Variants in SHPRH observed in about 807,000 individuals in gnomAD.
The protein encoded by SHPRH is SNF2 histone linker PHD RING helicase, also known as E3 ubiquitin-protein ligase SHPRH.
Under a neutral mutation model 202.5 loss-of-function variants are expected in SHPRH, and 106 were observed. That is an observed-to-expected ratio of 0.52 (90% CI 0.45 to 0.62). The LOEUF (loss-of-function observed/expected upper bound fraction) is 0.62. SHPRH is among the 20% of genes least tolerant of loss of function. The probability of loss-of-function intolerance (pLI) is 0.00; values close to 1 mark genes in which losing one functional copy is unlikely to be tolerated. For synonymous variants in SHPRH, 729 were observed against 686.0 expected, an observed-to-expected ratio of 1.06 and a Z score of -0.98; for missense variants, 1,710 against 2,020.0, an observed-to-expected ratio of 0.85 and a Z score of 2.94.
In SHPRH at chr6:145,922,812, C is replaced by G; in HGVS notation, c.3570G>C (p.Gln1190His). The change falls in exon 19 of 30, where the codon CAG becomes CAC. Residue 1190 changes from glutamine to histidine, a missense_variant. Around this residue, in one of 8 missense-constraint regions of SHPRH, gnomAD observed 288 missense variants for 317.8 expected, o/e 0.91. Coordinates refer to ENST00000275233, the MANE Select transcript of SHPRH (RefSeq NM_001042683.3). ...CTTCCATTTGTGTTGTAAGTAAGAA[C>G]TGAAGACCTCTGCAATCACGGAACC... ...SEKFRDCRGL[Q>H]FLLTTQMEEL... 1 of 1,611,056 alleles carries G rather than the reference C, an allele frequency of 6.2e-7. No homozygotes were observed. Among genetic ancestry groups the G allele is most frequent in the Non-Finnish European group, 8.5e-7 (1 of 1,178,250 alleles).
At position 145,910,248 on chromosome 6, in the gene SHPRH, G is replaced by T. The variant is rs1783374477; in HGVS notation, c.4515+200C>A. On this transcript the variant is annotated intron_variant, in intron 25 of 29. Coordinates refer to ENST00000275233, the MANE Select transcript of SHPRH (RefSeq NM_001042683.3). The stretch of plus-strand genomic sequence containing the variant: ...TACATGACTATCGCTAACCATGTTT[G>T]AATAAGTGTTCTGTGTTCCTCCTAC... 4 of 551,696 alleles carry T rather than the reference G, an allele frequency of 7.3e-6. No homozygotes were observed. The African/African-American group carries it at 7.5e-5, about 10-fold the overall frequency. 34.2% of individuals were successfully genotyped at this position (551,696 alleles called of 1,614,324 possible). A position where few individuals can be genotyped will look rare whatever the true frequency, so the allele number is the denominator to read the frequency against.
rs1018102804 is a variant in SHPRH, at chr6:145,955,406, T to C, written c.-32-52A>G. 4 of 1,470,644 alleles carry C rather than the reference T, an allele frequency of 2.7e-6. No homozygotes were observed. The South Asian group carries it at 5.4e-5, about 20-fold the overall frequency. 91.1% of individuals were successfully genotyped at this position (1,470,644 alleles called of 1,614,324 possible). ...GTATAACAAGAGATGATTTAGTATTTAAGGGTTACCAGATGAGAAATTCAG... is the reference window on the plus strand; with the variant it reads ...GTATAACAAGAGATGATTTAGTATTCAAGGGTTACCAGATGAGAAATTCAG... On this transcript the variant is annotated intron_variant, in intron 1 of 29. Coordinates refer to ENST00000275233, the MANE Select transcript of SHPRH (RefSeq NM_001042683.3).
intron 15 of SHPRH, among the ~76,000 whole-genome samples, chr6:145,926,600 G>A (rs1784901477): frequency 6.6e-6 from 1 of 151,844 alleles, no homozygotes; most frequent in African/African-American, 2.4e-5. Context: ...TTGTGAACAT[G>A]TTAGTCAGTC....
In SHPRH at chr6:145,893,403, A is replaced by G. The variant is rs1237748713; in HGVS notation, c.4696-10T>C. The G allele has an allele frequency of 7.6e-6, 12 of 1,572,970 alleles. No individual in the cohort carries two copies. Among genetic ancestry groups the G allele is most frequent in the Non-Finnish European group, 1.0e-5 (12 of 1,164,604 alleles). On this transcript the variant is annotated splice_polypyrimidine_tract_variant and intron_variant, in intron 27 of 29. Coordinates refer to ENST00000275233, the MANE Select transcript of SHPRH (RefSeq NM_001042683.3). ...ATGCTGAAAGGTTCTCCTAAAAAAG[A>G]AAGGTACATTTTAATTTTAGCTCGA...
intron 16 of SHPRH, 60 bp downstream of exon 16, chr6:145,926,144 T>C: frequency 7.2e-6 from 10 of 1,392,476 alleles, no homozygotes; most frequent in East Asian, 2.3e-5. Context: ...ATATCAACTA[T>C]ATGGAGCATA....
intron 25 of SHPRH, chr6:145,905,258 CTATCTT>C (rs1366946929): frequency 6.6e-6 from 1 of 152,082 alleles, no homozygotes; most frequent in African/African-American, 2.4e-5. Flanking sequence ...CTAAGAAAGA[CTATCTT>C]TATGGAAAGG....
chr6:145,963,953 G>A lies in SHPRH; in HGVS notation c.-255C>T, dbSNP rs966755460. ...TTTCCCACGACCCCACTTTATCCCCGGAGGGACGTGGTGGTCCGAAGTTCG... is the reference window on the plus strand; with the variant it reads ...TTTCCCACGACCCCACTTTATCCCCAGAGGGACGTGGTGGTCCGAAGTTCG... On this transcript the variant is annotated 5_prime_UTR_variant, in exon 1 of 30. Transcript: ENST00000275233. The A allele has an allele frequency of 2.6e-5, 4 of 152,308 alleles. No homozygotes were observed. The highest frequency in any genetic ancestry group is 3.9e-4 in the East Asian group (2 of 5,188). The allele number at this position is 152,308 out of a possible 1,614,324, so 9.4% of individuals were successfully genotyped here. A position where few individuals can be genotyped will look rare whatever the true frequency, so the allele number is the denominator to read the frequency against.
intron 2 of SHPRH, among the ~76,000 whole-genome samples, chr6:145,872,737 A>T (rs1175220699): frequency 6.6e-6 from 1 of 152,246 alleles, no homozygotes; most frequent in Non-Finnish European, 1.5e-5. Context: ...ACACATGCAC[A>T]TATATGTTTA....
chr6:145,898,960 C>T (rs1009423174), intron 25 of SHPRH, among the ~76,000 whole-genome samples: 1 of 151,978 alleles, frequency 6.6e-6, no homozygotes, highest in Non-Finnish European at 1.5e-5. Context: ...TACAGGTGTG[C>T]ACCACCACAC....
At chr6:145,859,850 T>C (rs899689120), downstream of SHPRH, among the ~76,000 whole-genome samples, 6 of 152,038 alleles carry the variant, frequency 3.9e-5, no homozygotes, top group African/African-American at 1.4e-4. Flanking sequence ...TTAAATTGAA[T>C]TCTCTCTCTG....
chr6:145,930,105 T>A (rs756065503), intron 14 of SHPRH, among the ~76,000 whole-genome samples: 8 of 152,148 alleles, frequency 5.3e-5, no homozygotes, highest in Non-Finnish European at 1.0e-4. Context: ...TGTCTAGAGC[T>A]ATTTCTGCTC....
At position 145,925,918 on chromosome 6, in the gene SHPRH, T is replaced by C. The variant is rs532781970; in HGVS notation, c.3294+286A>G. Reference sequence around the variant, plus strand: ...AGATCTGCCATGAGATCAAAGTTTCTTTTTTAAAACTCATTTATTTACATC... The same window carrying C: ...AGATCTGCCATGAGATCAAAGTTTCCTTTTTAAAACTCATTTATTTACATC... On this transcript the variant is annotated intron_variant, in intron 16 of 29. Transcript: ENST00000275233. Among the ~76,000 whole-genome samples the C allele has an allele frequency of 2.3e-4, 35 of 151,884 alleles. No homozygotes were observed. In the South Asian group the frequency reaches 6.6e-3, roughly 29 times the overall value.
At chr6:145,859,222 T>C in the SHPRH span, among the ~76,000 whole-genome samples, 3 of 152,066 alleles carry the variant, frequency 2.0e-5, no homozygotes, top group Non-Finnish European at 4.4e-5. Flanking sequence ...AGTAGAATGC[T>C]AACAATGCAA....
chr6:145,872,346 C>CA (rs1232146129), intron 2 of SHPRH, among the ~76,000 whole-genome samples: 2 of 151,272 alleles, frequency 1.3e-5, no homozygotes, highest in East Asian at 1.9e-4. Context: ...AACAAATTTA[C>CA]AAAAAAAAGC....
chr6:145,942,004 A>G, intron 9 of SHPRH, 130 bp from the exon 10 acceptor site: 5 of 1,085,054 alleles, frequency 4.6e-6, no homozygotes, highest in Non-Finnish European at 6.5e-6. Flanking sequence ...GACAGATCCC[A>G]TACCTGTTTG....
chr6:145,925,371 T>C (rs77198552), intron 16 of SHPRH, among the ~76,000 whole-genome samples: 12,223 of 71,664 alleles, frequency 0.17, 1,619 homozygotes, highest in African/African-American at 0.4. Context: ...CACACACACA[T>C]GCATGCAATA....
intron 25 of SHPRH, chr6:145,910,201 A>T: frequency 2.6e-6 from 1 of 385,670 alleles, no homozygotes. Context: ...TAATTTTAAG[A>T]TGTTACATTT....
Position 145,954,918 on chromosome 6 carries a change from T to C in SHPRH, c.405A>G (p.Glu135=). 1 of 1,613,754 alleles carries C rather than the reference T, an allele frequency of 6.2e-7. No individual in the cohort carries two copies. Among genetic ancestry groups the C allele is most frequent in the South Asian group, 1.1e-5 (1 of 91,062 alleles). ...CTGAACTCATCAATGTAATACTCCT[T>C]TCGGAAAAATTTTCAATTAAACTCT... ...PAQSLIENFS[E]RSITLMSSES... The change falls in exon 2 of 30, where the codon GAA becomes GAG. Residue 135 remains glutamate (E), a synonymous_variant. Transcript: ENST00000275233.
At position 145,913,535 on chromosome 6, in the gene SHPRH, T is replaced by A. The variant is rs41285853; in HGVS notation, c.4269A>T (p.Thr1423=). The change falls in exon 24 of 30, where the codon ACA becomes ACT. Residue 1423 remains threonine, a synonymous_variant. Transcript: ENST00000275233. ...LTNLEKSQDK[T]SGGVNPEPCP... is the part of the protein sequence containing the mutation. ...AAGGTTCTGGATTAACACCTCCCGA[T>A]GTTTTATCTTGAGACTATCCAAAAA... The A allele has an allele frequency of 1.2e-6, 2 of 1,608,614 alleles. No individual in the cohort carries two copies. The highest frequency in any genetic ancestry group is 3.4e-5 in the Admixed American group (2 of 59,144).
Sources: gnomAD v4.1 joint callset for allele counts (sites outside exome capture counted in the v4.1 genomes callset) on GRCh38, gnomAD v4.1.1 for gene constraint, gnomAD v4.1.1 regional missense constraint, MANE v1.5 for transcripts, NCBI Gene and HGNC (gene_info 2026-07-23, HGNC 2026-07-21) for gene names.